Variants in ADD3 observed in about 807,000 individuals in gnomAD.
The protein encoded by ADD3 is gamma-adducin.
A neutral mutation model predicts 80.2 loss-of-function variants in ADD3; 25 were observed. That is an observed-to-expected ratio of 0.31 (90% CI 0.23 to 0.44). ADD3 has a LOEUF of 0.44. Ranked by LOEUF, ADD3 falls within the 20% of genes least tolerant of loss-of-function variation. The pLI is 1.00. For synonymous variants in ADD3, 284 were observed against 289.6 expected, an observed-to-expected ratio of 0.98 and a Z score of 0.20; for missense variants, 829 against 847.5, an observed-to-expected ratio of 0.98 and a Z score of 0.27.
intron 1 of ADD3, among the ~76,000 whole-genome samples, chr10:110,062,957 ATCTGT>A (rs1859111181): frequency 6.6e-6 from 1 of 152,206 alleles, no homozygotes; most frequent in South Asian, 2.1e-4. Flanking sequence ...ATATTTCGGG[ATCTGT>A]TCTGATTATC....
intron 1 of ADD3, among the ~76,000 whole-genome samples, chr10:109,998,032 G>A (rs1349904972): frequency 1.3e-5 from 2 of 152,158 alleles, no homozygotes; most frequent in Non-Finnish European, 2.9e-5. Flanking sequence ...GACTGTACTA[G>A]GGATACAACA....
intron 1 of ADD3, among the ~76,000 whole-genome samples, chr10:110,061,974 C>T (rs984275537): frequency 1.3e-5 from 2 of 151,962 alleles, no homozygotes; most frequent in Non-Finnish European, 2.9e-5. Context: ...CACCTATAAT[C>T]CCAACACTTT....
intron 1 of ADD3, among the ~76,000 whole-genome samples, chr10:110,027,587 T>TA (rs1299442868): frequency 6.6e-6 from 1 of 152,242 alleles, no homozygotes; most frequent in Non-Finnish European, 1.5e-5. Context: ...TAATTCAGGC[T>TA]AGCCACAGTT....
intron 2 of ADD3, among the ~76,000 whole-genome samples, chr10:110,102,505 G>T (rs1399367922): frequency 6.6e-6 from 1 of 152,098 alleles, no homozygotes; most frequent in Non-Finnish European, 1.5e-5. Flanking sequence ...TACTTGGGAG[G>T]CTGAGTCGAA....
chr10:110,117,866 A>G (rs573483964), intron 5 of ADD3, among the ~76,000 whole-genome samples: 2 of 152,084 alleles, frequency 1.3e-5, no homozygotes, highest in African/African-American at 2.4e-5. Flanking sequence ...ATAACAAAAA[A>G]TTAGCTGGGC....
upstream of ADD3, among the ~76,000 whole-genome samples, chr10:110,006,766 TGAG>T (rs1589687923): frequency 6.7e-6 from 1 of 150,264 alleles, no homozygotes; most frequent in East Asian, 2.0e-4. Context: ...GGGATGAAGA[TGAG>T]GCGGATGGCG....
At chr10:110,043,654 T>C (rs185663781) in intron 1 of ADD3, among the ~76,000 whole-genome samples, 50 of 152,336 alleles carry the variant, frequency 3.3e-4, no homozygotes, top group African/African-American at 1.2e-3. Context: ...AACTAAGATA[T>C]TATTTTCAAA....
At chr10:110,018,730 A>G (rs1478057530) in intron 1 of ADD3, among the ~76,000 whole-genome samples, 1 of 152,176 alleles carries the variant, frequency 6.6e-6, no homozygotes, top group African/African-American at 2.4e-5. Context: ...GTGGTTCACA[A>G]TATCTTGCCA....
At chr10:110,065,562 A>C (rs1224514830) in intron 1 of ADD3, among the ~76,000 whole-genome samples, 1 of 2,630 alleles carries the variant, frequency 3.8e-4, no homozygotes, top group Non-Finnish European at 1.8e-3. Context: ...TTTTTTGAGA[A>C]AGAATCTCAC....
chr10:110,063,109 C>G (rs1843401618), intron 1 of ADD3, among the ~76,000 whole-genome samples: 1 of 152,042 alleles, frequency 6.6e-6, no homozygotes, highest in Non-Finnish European at 1.5e-5. Context: ...TTTTTAACGA[C>G]TAGAAGGCCT....
At chr10:110,065,413 T>C (rs1219908623) in intron 1 of ADD3, among the ~76,000 whole-genome samples, 3 of 151,948 alleles carry the variant, frequency 2.0e-5, no homozygotes, top group African/African-American at 7.2e-5. Context: ...ATATCTCCTC[T>C]GATCTATTTC....
intron 1 of ADD3, among the ~76,000 whole-genome samples, chr10:110,086,373 G>A (rs1846750169): frequency 6.6e-6 from 1 of 152,174 alleles, no homozygotes; most frequent in African/African-American, 2.4e-5. Flanking sequence ...TCATGCCACT[G>A]CACTCCAGCC....
At chr10:110,005,729 T>A (rs1252005074), upstream of ADD3, 1 of 152,222 alleles carries the variant, frequency 6.6e-6, no homozygotes, top group Non-Finnish European at 1.5e-5. Context: ...TGACTTACAC[T>A]AAAATCATTG....
chr10:110,096,996 A>G (rs1407228206), intron 1 of ADD3, among the ~76,000 whole-genome samples: 1 of 152,200 alleles, frequency 6.6e-6, no homozygotes, highest in Non-Finnish European at 1.5e-5. Flanking sequence ...AGTGCTGGTG[A>G]GCTCAGAATT....
chr10:110,020,130 T>C (rs1384616000), intron 1 of ADD3, among the ~76,000 whole-genome samples: 1 of 152,246 alleles, frequency 6.6e-6, no homozygotes, highest in Non-Finnish European at 1.5e-5. Context: ...ATTTGTGACC[T>C]GTTTAGCCCT....
chr10:110,036,954 A>G (rs1156990002), intron 1 of ADD3, among the ~76,000 whole-genome samples: 1 of 152,182 alleles, frequency 6.6e-6, no homozygotes, highest in Non-Finnish European at 1.5e-5. Context: ...TACCTGGGAC[A>G]CGGTTAACTA....
In ADD3 at chr10:110,064,867, G is replaced by A. The variant is rs114253676; in HGVS notation, c.-29-35758G>A. Among the ~76,000 whole-genome samples, 560 of 152,082 alleles carry A rather than the reference G, an allele frequency of 3.7e-3. 3 individuals carry two copies. The highest frequency in any genetic ancestry group is 0.013 in the African/African-American group (527 of 41,466). On this transcript the variant is annotated intron_variant, in intron 1 of 14. Coordinates refer to ENST00000356080, the MANE Select transcript of ADD3 (RefSeq NM_016824.5). ...TTTAAAACTGCATGTTTCCCAGCCT[G>A]GGCAACATGGCAAAACCTTATCTCT...
chr10:110,068,882 G>C (rs540442734), intron 1 of ADD3, among the ~76,000 whole-genome samples: 1 of 152,204 alleles, frequency 6.6e-6, no homozygotes, highest in East Asian at 1.9e-4. Context: ...TTTGAGATCA[G>C]CCTGGGCAAC....
intron 1 of ADD3, among the ~76,000 whole-genome samples, chr10:110,078,316 C>A (rs2133732177): frequency 6.6e-6 from 1 of 152,200 alleles, no homozygotes; most frequent in Non-Finnish European, 1.5e-5. Flanking sequence ...GCTTTGAGTA[C>A]CCTAATTTTC....
Sources: gnomAD v4.1 joint callset for allele counts (sites outside exome capture counted in the v4.1 genomes callset) on GRCh38, gnomAD v4.1.1 for gene constraint, MANE v1.5 for transcripts, NCBI Gene and HGNC (gene_info 2026-07-23, HGNC 2026-07-21) for gene names.